GRB10: variants seen among roughly 807,000 people sequenced by gnomAD.
GRB10 encodes the protein growth factor receptor bound protein 10.
A neutral mutation model predicts 80.9 loss-of-function variants in GRB10; 20 were observed. That is an observed-to-expected ratio of 0.25 (90% confidence interval 0.17 to 0.36). The LOEUF is 0.36. Ranked by LOEUF, GRB10 falls within the 10% of genes least tolerant of loss-of-function variation. The pLI is 1.00. For missense variants in GRB10, 548 were observed against 747.7 expected (o/e 0.73, Z 3.12); for synonymous variants, 291 against 291.5 (o/e 1.00, Z 0.02).
chr7:50,707,093 T>C (rs1339087652), intron 4 of GRB10, among the ~76,000 whole-genome samples: 1 of 152,260 alleles, frequency 6.6e-6, no homozygotes, highest in Non-Finnish European at 1.5e-5. Flanking sequence ...TTTATTGACC[T>C]TATCTTTTTG....
rs899830860 is a variant in GRB10, at chr7:50,626,998, T to C, written c.505-20A>G. The stretch of plus-strand genomic sequence containing the variant: ...AACATCCTGCAACACACAAAGGGGA[T>C]AGTTACAGATAAACAACTTCGGGCT... On this transcript the variant is annotated intron_variant, in intron 7 of 18. Transcript: ENST00000401949. The C allele has an allele frequency of 1.2e-5, 19 of 1,613,218 alleles. No individual in the cohort carries two copies. The highest frequency in any genetic ancestry group is 4.0e-5 in the African/African-American group (3 of 74,918).
chr7:50,699,238 T>C (rs1013762551), intron 5 of GRB10, among the ~76,000 whole-genome samples: 1 of 149,902 alleles, frequency 6.7e-6, no homozygotes, highest in African/African-American at 2.5e-5. Flanking sequence ...CAGTCTTCCT[T>C]TCTAATGTTT....
chr7:50,635,880 A>G (rs942954679), intron 7 of GRB10, among the ~76,000 whole-genome samples: 1 of 143,604 alleles, frequency 7.0e-6, no homozygotes, highest in Non-Finnish European at 1.5e-5. Context: ...AAATGGAATC[A>G]GTAATTATAA....
At chr7:50,674,759 T>A in intron 5 of GRB10, 101 bp from the exon 6 acceptor site, 1 of 965,992 alleles carries the variant, frequency 1.0e-6, no homozygotes, top group South Asian at 1.4e-5. Context: ...CTCAATCCTA[T>A]TTTTCAAATA....
At chr7:50,745,208 CTG>C in intron 3 of GRB10, among the ~76,000 whole-genome samples, 1 of 152,258 alleles carries the variant, frequency 6.6e-6, no homozygotes, top group South Asian at 2.1e-4. Context: ...CAAGAGTCAA[CTG>C]TAATTTTAAA....
At chr7:50,721,155 C>T (rs2067663700) in intron 4 of GRB10, among the ~76,000 whole-genome samples, 1 of 152,244 alleles carries the variant, frequency 6.6e-6, no homozygotes, top group Admixed American at 6.5e-5. Context: ...AGTAGTCCCC[C>T]CCTTATCCTG....
chr7:50,686,164 G>T (rs1435240638), intron 5 of GRB10, among the ~76,000 whole-genome samples: 1 of 152,180 alleles, frequency 6.6e-6, no homozygotes. Flanking sequence ...AGGAGGTGGG[G>T]CCTTTGGGAG....
intron 7 of GRB10, among the ~76,000 whole-genome samples, chr7:50,646,814 T>C (rs2715109): frequency 0.89 from 135,346 of 152,210 alleles, 60,289 homozygotes; most frequent in East Asian, 0.94. Flanking sequence ...CTTGGACCAA[T>C]TGGTGTAATG....
rs150057795 is a variant in GRB10, at chr7:50,622,602, A to T, written c.662-3317T>A. ...CTGTGTAAGTTCCAGCCTCTCTCCC[A>T]GATTATCTGACCTTAGTATGCCTGA... On this transcript the variant is annotated intron_variant, in intron 8 of 18. Coordinates refer to ENST00000401949, the MANE Select transcript of GRB10 (RefSeq NM_001350814.2). 8.2e-3 allele frequency among the ~76,000 whole-genome samples: 1,248 copies of T among 152,184 alleles called. 13 individuals carry two copies. The highest frequency in any genetic ancestry group is 0.022 in the African/African-American group (907 of 41,516).
chr7:50,702,270 C>T (rs1003080912), intron 5 of GRB10, among the ~76,000 whole-genome samples: 1 of 152,244 alleles, frequency 6.6e-6, no homozygotes, highest in African/African-American at 2.4e-5. Context: ...AGGGGAGCCC[C>T]ACCACAGCTC....
chr7:50,643,757 G>A (rs1248694543), intron 7 of GRB10, among the ~76,000 whole-genome samples: 6 of 152,144 alleles, frequency 3.9e-5, no homozygotes, highest in African/African-American at 1.2e-4. Flanking sequence ...ATCATGGTGT[G>A]TGTACATATA....
chr7:50,674,341 T>C (rs1478887542), intron 6 of GRB10, 95 bp downstream of exon 6: 28 of 1,232,314 alleles, frequency 2.3e-5, no homozygotes, highest in Non-Finnish European at 3.0e-5. Context: ...AGACCAACAC[T>C]ATTCCCCCCA....
intron 1 of GRB10, among the ~76,000 whole-genome samples, chr7:50,781,894 G>A (rs1290288208): frequency 6.6e-6 from 1 of 152,246 alleles, no homozygotes; most frequent in East Asian, 1.9e-4. Flanking sequence ...TTTTCATGGA[G>A]AAAGAGGCAA....
At chr7:50,614,651 G>A (rs2050199032) in intron 12 of GRB10, 119 bp downstream of exon 12, 1 of 782,208 alleles carries the variant, frequency 1.3e-6, no homozygotes, top group African/African-American at 1.7e-5. Context: ...TAAATCCAGT[G>A]TGAAACTATG....
rs562899423 is a variant in GRB10, at chr7:50,669,240, T to C, written c.504+482A>G. 2.0e-5 allele frequency among the ~76,000 whole-genome samples: 3 copies of C among 152,336 alleles called. No individual in the cohort carries two copies. In the East Asian group the frequency reaches 5.8e-4, roughly 29 times the overall value. ...GATCAATAATGAAAAGAGGTTTAATTGGTTCATGGTTCTGCAGCCTGTACA... is the reference window on the plus strand; with the variant it reads ...GATCAATAATGAAAAGAGGTTTAATCGGTTCATGGTTCTGCAGCCTGTACA... On this transcript the variant is annotated intron_variant, in intron 7 of 18. Transcript: ENST00000401949.
At chr7:50,752,504 T>C (rs1267023728) in intron 3 of GRB10, among the ~76,000 whole-genome samples, 1 of 152,192 alleles carries the variant, frequency 6.6e-6, no homozygotes, top group Non-Finnish European at 1.5e-5. Context: ...AACTGTCCTA[T>C]AAATGGGAAA....
intron 3 of GRB10, among the ~76,000 whole-genome samples, chr7:50,751,904 G>A (rs186277552): frequency 6.6e-6 from 1 of 152,168 alleles, no homozygotes; most frequent in African/African-American, 2.4e-5. Flanking sequence ...TACAGAGTTA[G>A]GTTTCTATGA....
At chr7:50,726,069 A>C (rs556266871) in intron 4 of GRB10, 1 of 152,398 alleles carries the variant, frequency 6.6e-6, no homozygotes, top group African/African-American at 2.4e-5. Flanking sequence ...TAACACATCC[A>C]GAATATTTGC....
At position 50,743,720 on chromosome 7, in the gene GRB10, G is replaced by A. The variant is rs147102884; in HGVS notation, c.-46-11352C>T. Among the ~76,000 whole-genome samples, 74 of 152,286 alleles carry A rather than the reference G, an allele frequency of 4.9e-4. 1 individual carries two copies. In the East Asian group the frequency reaches 0.01, roughly 21 times the overall value. On this transcript the variant is annotated intron_variant, in intron 3 of 18. Transcript: ENST00000401949. ...CTACTCAGGAGAACCAGGAGAGGCC[G>A]ACACCAGAAACTAATTTTCACTTTC...
Sources: gnomAD v4.1 joint callset for allele counts (sites outside exome capture counted in the v4.1 genomes callset) on GRCh38, gnomAD v4.1.1 for gene constraint, MANE v1.5 for transcripts, NCBI Gene and HGNC (gene_info 2026-07-23, HGNC 2026-07-21) for gene names.